Variants in TNIK observed in about 807,000 individuals in gnomAD.
TNIK encodes the protein TRAF2 and NCK interacting kinase.
TNIK carries 49 observed loss-of-function variants against 191.3 expected under a neutral mutation model. That is an observed-to-expected ratio of 0.26 (90% CI 0.20 to 0.32). The LOEUF (loss-of-function observed/expected upper bound fraction) is 0.32, where lower values mean the gene tolerates loss of function less well. TNIK is among the 10% of genes least tolerant of loss of function. The pLI is 1.00. For missense variants in TNIK, 1,155 were observed against 1,702.3 expected, an observed-to-expected ratio of 0.68 and a Z score of 5.66; for synonymous variants, 594 against 600.9, an observed-to-expected ratio of 0.99 and a Z score of 0.17.
intron 11 of TNIK, among the ~76,000 whole-genome samples, chr3:171,160,044 C>G (rs535661396): frequency 1.3e-4 from 20 of 152,326 alleles, no homozygotes; most frequent in Non-Finnish European, 2.5e-4. Flanking sequence ...CTTTTGAACA[C>G]TGGTGTACAA....
chr3:171,290,883 AT>A (rs1426948238), intron 2 of TNIK, among the ~76,000 whole-genome samples: 1 of 152,212 alleles, frequency 6.6e-6, no homozygotes, highest in African/African-American at 2.4e-5. Context: ...CATAAATCAG[AT>A]ATGATGAATT....
rs1721193552 is a variant in TNIK, at chr3:171,085,235, C to T, written c.2887-6G>A. ...GTGCTGCTCCCCATGCCATACTAAT[C>T]AATAAGCAAGAAGATTAAGAAGAGC... On this transcript the variant is annotated splice_region_variant and splice_polypyrimidine_tract_variant and intron_variant, in intron 24 of 32. Coordinates refer to ENST00000436636, the MANE Select transcript of TNIK (RefSeq NM_015028.4). The T allele has an allele frequency of 6.2e-7, 1 of 1,601,274 alleles. No homozygotes were observed. The highest frequency in any genetic ancestry group is 8.5e-7 in the Non-Finnish European group (1 of 1,173,750).
Position 171,061,098 on chromosome 3 carries a change from C to T in TNIK, c.*2783G>A, listed in dbSNP as rs1717781812. Reference sequence around the variant, plus strand: ...ACCCCCAAAAAGAATTAAGGCAATTCAGAAAGTTTGGATGAGCCACAAGGA... The same window carrying T: ...ACCCCCAAAAAGAATTAAGGCAATTTAGAAAGTTTGGATGAGCCACAAGGA... On this transcript the variant is annotated 3_prime_UTR_variant, in exon 33 of 33. Coordinates refer to ENST00000436636, the MANE Select transcript of TNIK (RefSeq NM_015028.4). 6.6e-6 allele frequency among the ~76,000 whole-genome samples: 1 copy of T among 152,040 alleles called. No individual in the cohort carries two copies. The highest frequency in any genetic ancestry group is 2.4e-5 in the African/African-American group (1 of 41,390).
intron 12 of TNIK, among the ~76,000 whole-genome samples, chr3:171,151,964 CT>C (rs927818892): frequency 2.6e-5 from 4 of 152,150 alleles, no homozygotes; most frequent in African/African-American, 9.7e-5. Flanking sequence ...TGCTTTGAGA[CT>C]GGGCTTGGTT....
intron 1 of TNIK, among the ~76,000 whole-genome samples, chr3:171,446,216 G>C (rs1243849642): frequency 1.3e-5 from 2 of 151,946 alleles, no homozygotes; most frequent in East Asian, 1.9e-4. Context: ...AATCAGAGAG[G>C]GTATTTAATT....
chr3:171,285,804 A>G (rs1396596309), intron 2 of TNIK, among the ~76,000 whole-genome samples: 1 of 152,188 alleles, frequency 6.6e-6, no homozygotes, highest in African/African-American at 2.4e-5. Context: ...TTTAACTGCC[A>G]TCTCGCCACA....
intron 2 of TNIK, among the ~76,000 whole-genome samples, chr3:171,340,333 T>C (rs1757390779): frequency 1.3e-5 from 2 of 152,252 alleles, no homozygotes; most frequent in African/African-American, 4.8e-5. Flanking sequence ...GAGTGTAGTA[T>C]TGTAAACCAG....
intron 8 of TNIK, 127 bp from the exon 9 acceptor site, chr3:171,175,457 G>A: frequency 3.0e-6 from 2 of 676,814 alleles, no homozygotes; most frequent in Non-Finnish European, 2.5e-6. Context: ...TGAGCACAAA[G>A]TCAGAATATC....
At chr3:171,166,158 C>T (rs901628952) in intron 10 of TNIK, among the ~76,000 whole-genome samples, 2 of 152,174 alleles carry the variant, frequency 1.3e-5, no homozygotes, top group Non-Finnish European at 2.9e-5. Context: ...TTAGCTATGA[C>T]TCATGAGTTG....
In TNIK at chr3:171,211,068, GTGTT is replaced by G. The variant is rs756048912; in HGVS notation, c.306+44_306+47del. 8 of 1,597,754 alleles carry G rather than the reference GTGTT, an allele frequency of 5.0e-6. No homozygotes were observed. In the African/African-American group the frequency reaches 5.4e-5, roughly 11 times the overall value. On this transcript the variant is annotated intron_variant, in intron 4 of 32. Transcript: ENST00000436636. ...GGATAGAAAAATGAACCATTTGGCC[GTGTT>G]TGTTTTTTATGTAAATAAAGCAAAT...
chr3:171,246,555 T>A (rs1262121136), intron 2 of TNIK, among the ~76,000 whole-genome samples: 1 of 152,238 alleles, frequency 6.6e-6, no homozygotes, highest in Non-Finnish European at 1.5e-5. Flanking sequence ...TGAAAGTATC[T>A]ATTATTTAAC....
intron 11 of TNIK, among the ~76,000 whole-genome samples, chr3:171,160,320 T>A (rs1229935137): frequency 6.6e-6 from 1 of 151,914 alleles, no homozygotes; most frequent in Admixed American, 6.6e-5. Context: ...TGAGTTAGCA[T>A]AAAAAAAGAA....
chr3:171,382,366 G>A (rs777240439), intron 1 of TNIK, among the ~76,000 whole-genome samples: 11 of 151,958 alleles, frequency 7.2e-5, no homozygotes, highest in South Asian at 6.2e-4. Flanking sequence ...GATTACAGGC[G>A]TATGCCACCA....
intron 2 of TNIK, among the ~76,000 whole-genome samples, chr3:171,295,005 AAGAGAGAG>A (rs141597723): frequency 1.4e-5 from 2 of 146,594 alleles, no homozygotes; most frequent in Non-Finnish European, 3.0e-5. Context: ...CTGGCCAGGG[AAGAGAGAG>A]AGAGAGAGAG....
rs1553842165 is a variant in TNIK, at chr3:171,157,674, G to A, written c.1017-10C>T. 1 of 1,552,898 alleles carries A rather than the reference G, an allele frequency of 6.4e-7. No homozygotes were observed. On this transcript the variant is annotated splice_polypyrimidine_tract_variant and intron_variant, in intron 11 of 32. Transcript: ENST00000436636. Reference sequence around the variant, plus strand: ...CAGATTCAGGATGGAGCTGTGGGTAGGAGAGAGTGATCAGGATCCCACGTG... The same window carrying A: ...CAGATTCAGGATGGAGCTGTGGGTAAGAGAGAGTGATCAGGATCCCACGTG...
chr3:171,080,111 T>G (rs1014507007), intron 27 of TNIK, among the ~76,000 whole-genome samples: 5 of 152,162 alleles, frequency 3.3e-5, no homozygotes, highest in African/African-American at 1.2e-4. Flanking sequence ...TTCAGAAAAT[T>G]ATACTGGGCA....
chr3:171,450,911 A>T (rs893848518), intron 1 of TNIK, among the ~76,000 whole-genome samples: 4 of 152,246 alleles, frequency 2.6e-5, no homozygotes, highest in South Asian at 2.1e-4. Flanking sequence ...CAGTTGGGAC[A>T]GCCAGATTTT....
At chr3:171,216,496 G>C (rs1445667721) in intron 3 of TNIK, among the ~76,000 whole-genome samples, 1 of 152,138 alleles carries the variant, frequency 6.6e-6, no homozygotes, top group East Asian at 1.9e-4. Context: ...AGTTGAAATA[G>C]TTAAGAGCAT....
intron 2 of TNIK, among the ~76,000 whole-genome samples, chr3:171,229,023 G>T (rs746472883): frequency 2.6e-4 from 40 of 152,196 alleles, no homozygotes; most frequent in Non-Finnish European, 5.3e-4. Context: ...CTGCTATCAG[G>T]CAATAAAATA....
Sources: allele counts gnomAD v4.1 joint callset (sites outside exome capture counted in the v4.1 genomes callset), GRCh38; gene constraint gnomAD v4.1.1; transcripts MANE v1.5; gene names NCBI Gene and HGNC (gene_info 2026-07-23, HGNC 2026-07-21).